The following VAV3 variants were observed in gnomAD, a reference collection of about 807,000 sequenced individuals.
VAV3 encodes the protein vav guanine nucleotide exchange factor 3.
VAV3 carries 94 observed loss-of-function variants against 131.2 expected under a neutral mutation model. The ratio of observed to expected loss-of-function variants is 0.72; its 90% CI spans 0.61 to 0.85. The LOEUF is 0.85. Ranked by LOEUF, VAV3 falls within the 40% of genes least tolerant of loss-of-function variation. The pLI, the probability that VAV3 is intolerant of heterozygous loss-of-function variation, is 0.00. For missense variants in VAV3, 939 were observed against 1,002.7 expected (o/e 0.94, Z 0.86); for synonymous variants, 349 against 342.0 (o/e 1.02, Z -0.22).
intron 2 of VAV3, among the ~76,000 whole-genome samples, chr1:107,809,541 C>T (rs922968036): frequency 2.0e-5 from 3 of 152,082 alleles, no homozygotes; most frequent in Non-Finnish European, 1.5e-5. Flanking sequence ...AAAACCCTGT[C>T]ATAAATATTT....
At chr1:107,947,155 TGA>T (rs1674309446) in intron 1 of VAV3, among the ~76,000 whole-genome samples, 2 of 152,356 alleles carry the variant, frequency 1.3e-5, no homozygotes, top group Non-Finnish European at 2.9e-5. Flanking sequence ...TAGAGATCAC[TGA>T]GTTTATCAGC....
intron 2 of VAV3, among the ~76,000 whole-genome samples, chr1:107,845,180 C>T (rs1171469840): frequency 6.6e-6 from 1 of 152,140 alleles, no homozygotes; most frequent in Non-Finnish European, 1.5e-5. Flanking sequence ...TGGAGTAGAC[C>T]TCCAGCCAGA....
At chr1:107,806,763 A>C (rs1319110051) in intron 2 of VAV3, among the ~76,000 whole-genome samples, 3 of 151,838 alleles carry the variant, frequency 2.0e-5, no homozygotes, top group East Asian at 3.9e-4. Flanking sequence ...CTCATCACCC[A>C]AAAAAAAGAA....
chr1:107,645,411 A>G (rs1655665994), intron 19 of VAV3, among the ~76,000 whole-genome samples: 2 of 151,720 alleles, frequency 1.3e-5, no homozygotes, highest in South Asian at 4.1e-4. Flanking sequence ...ATCTGTTGTC[A>G]GGGGTACAGA....
intron 20 of VAV3, among the ~76,000 whole-genome samples, chr1:107,627,111 C>T (rs985268973): frequency 6.6e-6 from 1 of 152,162 alleles, no homozygotes; most frequent in Admixed American, 6.5e-5. Flanking sequence ...CTGCACCTCC[C>T]TTCTCCAGGC....
intron 2 of VAV3, among the ~76,000 whole-genome samples, chr1:107,813,763 A>G (rs1348856955): frequency 6.6e-6 from 1 of 151,914 alleles, no homozygotes; most frequent in African/African-American, 2.4e-5. Context: ...CCCACCCCCT[A>G]TACACCATTT....
rs572705832 is a variant in VAV3 at position 107,907,342 on chromosome 1, C to A, written c.205-32325G>T. 2.0e-5 allele frequency among the ~76,000 whole-genome samples: 3 copies of A among 152,176 alleles called. No homozygotes were observed. In the East Asian group the frequency reaches 5.8e-4, roughly 29 times the overall value. On this transcript the variant is annotated intron_variant, in intron 1 of 26. Transcript: ENST00000370056. ...AATCCAACAACAGAATTCTAAAGAG[C>A]CATTCAAAAAGATGTTGACAATATC... is the stretch of plus-strand genomic sequence containing the variant.
chr1:107,686,351 G>T (rs1659029751), intron 18 of VAV3, among the ~76,000 whole-genome samples: 1 of 152,068 alleles, frequency 6.6e-6, no homozygotes. Flanking sequence ...CTATTGAAAG[G>T]GAAGCAGAGG....
chr1:107,715,163 G>A (rs1027859261), intron 15 of VAV3, among the ~76,000 whole-genome samples: 12 of 151,922 alleles, frequency 7.9e-5, no homozygotes, highest in Non-Finnish European at 1.6e-4. Context: ...ACCATACAAG[G>A]CCAACATCCA....
At chr1:107,821,237 T>A (rs1223647783) in intron 2 of VAV3, among the ~76,000 whole-genome samples, 1 of 152,228 alleles carries the variant, frequency 6.6e-6, no homozygotes, top group Non-Finnish European at 1.5e-5. Flanking sequence ...GCATGTGTAT[T>A]CACTGATTTG....
At chr1:107,687,266 A>G (rs937590529) in intron 18 of VAV3, among the ~76,000 whole-genome samples, 3 of 152,184 alleles carry the variant, frequency 2.0e-5, no homozygotes, top group Admixed American at 6.5e-5. Context: ...GCCTCTTTAT[A>G]TCACACTCTT....
At chr1:107,668,385 A>G (rs1657556190) in intron 19 of VAV3, among the ~76,000 whole-genome samples, 1 of 152,204 alleles carries the variant, frequency 6.6e-6, no homozygotes, top group Non-Finnish European at 1.5e-5. Context: ...TACTTACATG[A>G]ATTTGGACAC....
chr1:107,791,676 A>G (rs1260774230), intron 2 of VAV3, among the ~76,000 whole-genome samples: 2 of 152,226 alleles, frequency 1.3e-5, no homozygotes, highest in East Asian at 3.8e-4. Flanking sequence ...AAAGCTTTCC[A>G]GTGATTCTAG....
chr1:107,828,598 A>G (rs1478288606), intron 2 of VAV3, among the ~76,000 whole-genome samples: 1 of 152,102 alleles, frequency 6.6e-6, no homozygotes, highest in Non-Finnish European at 1.5e-5. Flanking sequence ...CACCTTCCAG[A>G]GACTGCCCAC....
intron 20 of VAV3, among the ~76,000 whole-genome samples, chr1:107,632,990 T>C (rs973945666): frequency 6.6e-6 from 1 of 152,196 alleles, no homozygotes; most frequent in Non-Finnish European, 1.5e-5. Flanking sequence ...ACTAATAATG[T>C]CTTTTTGTCT....
intron 17 of VAV3, among the ~76,000 whole-genome samples, chr1:107,703,381 AC>A (rs1173168128): frequency 2.6e-5 from 4 of 151,996 alleles, no homozygotes; most frequent in Non-Finnish European, 5.9e-5. Flanking sequence ...AAGCAATCCG[AC>A]CCCCATCAGT....
In VAV3 at chr1:107,646,750, TAACA is replaced by T. The variant is rs1655766112; in HGVS notation, c.1778-3999_1778-3996del. ...CAAGTCAAACTTATGCAGGAGGAAT[TAACA>T]AACAAATTAGCAATATTAAAAGGAT... On this transcript the variant is annotated intron_variant, in intron 19 of 26. Coordinates refer to ENST00000370056, the MANE Select transcript of VAV3 (RefSeq NM_006113.5). Among the ~76,000 whole-genome samples the T allele has an allele frequency of 4.6e-5, 7 of 152,118 alleles. No homozygotes were observed. The South Asian group carries it at 1.4e-3, about 31-fold the overall frequency.
Position 107,749,095 on chromosome 1 carries a change from C to A in VAV3, c.1393-18G>T, listed in dbSNP as rs754201339. On this transcript the variant is annotated intron_variant, in intron 14 of 26. Coordinates refer to ENST00000370056, the MANE Select transcript of VAV3 (RefSeq NM_006113.5). Reference sequence around the variant, plus strand: ...TAAGACCACTGTTAAAATTAATATTCCTTAGATTAATATGTATCATTAATA... The same window carrying A: ...TAAGACCACTGTTAAAATTAATATTACTTAGATTAATATGTATCATTAATA... 2 of 1,480,318 alleles carry A rather than the reference C, an allele frequency of 1.4e-6. No homozygotes were observed. The highest frequency in any genetic ancestry group is 1.9e-6 in the Non-Finnish European group (2 of 1,071,476). The allele number at this position is 1,480,318 out of a possible 1,614,324, so 91.7% of individuals were successfully genotyped here. A position where few individuals can be genotyped will look rare whatever the true frequency, so the allele number is the denominator to read the frequency against.
intron 2 of VAV3, among the ~76,000 whole-genome samples, chr1:107,795,872 C>T (rs528451958): frequency 6.6e-6 from 1 of 152,278 alleles, no homozygotes; most frequent in Admixed American, 6.5e-5. Context: ...AAGTGCTGAG[C>T]TTATTAGAAA....
Sources: gnomAD v4.1 joint callset for allele counts (sites outside exome capture counted in the v4.1 genomes callset) on GRCh38, gnomAD v4.1.1 for gene constraint, MANE v1.5 for transcripts, NCBI Gene and HGNC (gene_info 2026-07-23, HGNC 2026-07-21) for gene names.